The following SPPL3 variants were observed in gnomAD, a reference collection of about 807,000 sequenced individuals.
SPPL3 encodes the protein signal peptide peptidase-like 3.
A neutral mutation model predicts 42.4 loss-of-function variants in SPPL3; 5 were observed. That is an observed-to-expected ratio of 0.12 (90% confidence interval 0.06 to 0.25). The LOEUF is 0.25. Among genes scored for constraint, SPPL3 ranks in the 10% least tolerant of loss-of-function variants. The pLI is 1.00. For missense variants in SPPL3, 235 were observed against 489.0 expected, an observed-to-expected ratio of 0.48 and a Z score of 4.90; for synonymous variants, 195 against 181.8, an observed-to-expected ratio of 1.07 and a Z score of -0.58.
At chr12:120,879,817 A>G (rs1159316779) in intron 1 of SPPL3, among the ~76,000 whole-genome samples, 1 of 151,052 alleles carries the variant, frequency 6.6e-6, no homozygotes, top group Non-Finnish European at 1.5e-5. Flanking sequence ...GGTAAAAGTT[A>G]TATATATACA....
chr12:120,828,226 T>A (rs146820879), intron 1 of SPPL3, among the ~76,000 whole-genome samples: 9 of 152,212 alleles, frequency 5.9e-5, no homozygotes, highest in African/African-American at 2.2e-4. Flanking sequence ...AAATAACCCA[T>A]GGGTCAAATA....
intron 1 of SPPL3, among the ~76,000 whole-genome samples, chr12:120,849,627 A>G (rs1872159080): frequency 6.6e-6 from 1 of 152,234 alleles, no homozygotes. Flanking sequence ...GCATCTGAAA[A>G]TATGTCCAAG....
At chr12:120,850,925 A>G (rs1872201904) in intron 1 of SPPL3, among the ~76,000 whole-genome samples, 1 of 152,210 alleles carries the variant, frequency 6.6e-6, no homozygotes, top group South Asian at 2.1e-4. Context: ...CTGTGTGATT[A>G]TATTGGGCCA....
At chr12:120,793,984 T>C (rs1870012997) in intron 2 of SPPL3, among the ~76,000 whole-genome samples, 1 of 152,240 alleles carries the variant, frequency 6.6e-6, no homozygotes, top group Admixed American at 6.5e-5. Flanking sequence ...TATTCTATTA[T>C]TGGGAGTGGT....
At chr12:120,768,602 T>C (rs1051905558) in intron 7 of SPPL3, 114 bp from the exon 8 acceptor site, 2 of 1,194,648 alleles carry the variant, frequency 1.7e-6, no homozygotes, top group Non-Finnish European at 2.4e-6. Flanking sequence ...TGCAATGCTT[T>C]CGTTGACTGT....
intron 1 of SPPL3, among the ~76,000 whole-genome samples, chr12:120,865,717 A>T (rs1872736564): frequency 6.6e-6 from 1 of 152,256 alleles, no homozygotes; most frequent in African/African-American, 2.4e-5. Context: ...GCTCTACAGC[A>T]GTGTTTCCCA....
intron 1 of SPPL3, 119 bp downstream of exon 1, chr12:120,903,726 A>AACCCC: frequency 2.0e-6 from 1 of 509,674 alleles, no homozygotes; most frequent in Non-Finnish European, 3.0e-6. Flanking sequence ...GTGCACCCCA[A>AACCCC]CCCGCGCCCC....
chr12:120,772,213 G>T (rs1869150378), intron 6 of SPPL3, among the ~76,000 whole-genome samples: 1 of 151,970 alleles, frequency 6.6e-6, no homozygotes, highest in African/African-American at 2.4e-5. Context: ...GTAGAGACAG[G>T]GTTTCACCAT....
chr12:120,841,092 G>C (rs964586009), intron 1 of SPPL3, among the ~76,000 whole-genome samples: 1 of 152,148 alleles, frequency 6.6e-6, no homozygotes, highest in Non-Finnish European at 1.5e-5. Context: ...TTGGGAAGCT[G>C]AGACAGGTGG....
At chr12:120,827,356 ATAATAAT>A (rs1871259898) in intron 1 of SPPL3, among the ~76,000 whole-genome samples, 2 of 143,718 alleles carry the variant, frequency 1.4e-5, no homozygotes, top group Admixed American at 6.9e-5. Flanking sequence ...TAATAATAAT[ATAATAAT>A]ATAATAATAA....
At chr12:120,810,542 G>C (rs1213223824) in intron 2 of SPPL3, among the ~76,000 whole-genome samples, 8 of 151,930 alleles carry the variant, frequency 5.3e-5, no homozygotes, top group Admixed American at 5.2e-4. Context: ...TCTTAATAAA[G>C]AGTGCATTAG....
intron 1 of SPPL3, among the ~76,000 whole-genome samples, chr12:120,820,667 C>T (rs1871037895): frequency 6.6e-6 from 1 of 152,094 alleles, no homozygotes; most frequent in Non-Finnish European, 1.5e-5. Context: ...TTGTTTTCCA[C>T]ATTTCCCCAT....
chr12:120,827,150 CTA>C (rs898128167), intron 1 of SPPL3, among the ~76,000 whole-genome samples: 33 of 151,768 alleles, frequency 2.2e-4, no homozygotes, highest in African/African-American at 7.7e-4. Flanking sequence ...ATGTTTTCCT[CTA>C]TATAGGGGGG....
At chr12:120,846,207 C>T (rs1334386454) in intron 1 of SPPL3, among the ~76,000 whole-genome samples, 1 of 152,102 alleles carries the variant, frequency 6.6e-6, no homozygotes, top group African/African-American at 2.4e-5. Flanking sequence ...CAGTGCCTGG[C>T]ACATACATAA....
In SPPL3 at chr12:120,876,565, C is replaced by T. The variant is rs370167663; in HGVS notation, c.23+27280G>A. On this transcript the variant is annotated intron_variant, in intron 1 of 10. Coordinates refer to ENST00000353487, the MANE Select transcript of SPPL3 (RefSeq NM_139015.5). ...CTGGGAGGCAGAGCTTGCAGTGAGC[C>T]GAGATCGCGCCACTGCACTCCAGCC... Among the ~76,000 whole-genome samples the T allele has an allele frequency of 9.7e-3, 1,340 of 138,560 alleles. 26 individuals are homozygous for T. The highest frequency in any genetic ancestry group is 0.034 in the African/African-American group (1,267 of 37,320). 90.9% of individuals were successfully genotyped at this position (138,560 alleles called of 152,430 possible). A position where few individuals can be genotyped will look rare whatever the true frequency, so the allele number is the denominator to read the frequency against.
At chr12:120,780,843 A>G (rs1407151155) in intron 6 of SPPL3, among the ~76,000 whole-genome samples, 1 of 152,024 alleles carries the variant, frequency 6.6e-6, no homozygotes, top group African/African-American at 2.4e-5. Context: ...CCGGGAGACG[A>G]AGGCTGCAGC....
chr12:120,857,649 T>C (rs113264331), intron 1 of SPPL3, among the ~76,000 whole-genome samples: 6,386 of 152,194 alleles, frequency 0.042, 189 homozygotes, highest in South Asian at 0.12. Context: ...AAAAAGAAAT[T>C]AGATCATGTC....
chr12:120,838,220 T>C (rs942288387), intron 1 of SPPL3, among the ~76,000 whole-genome samples: 1 of 152,120 alleles, frequency 6.6e-6, no homozygotes, highest in Non-Finnish European at 1.5e-5. Context: ...CTGAATTTGG[T>C]AGGTTATCAG....
At chr12:120,772,597 T>G (rs1869163684) in intron 6 of SPPL3, among the ~76,000 whole-genome samples, 1 of 152,224 alleles carries the variant, frequency 6.6e-6, no homozygotes, top group African/African-American at 2.4e-5. Flanking sequence ...AAAAGCCATA[T>G]GAACAGATAT....
Sources: gnomAD v4.1 joint callset for allele counts (sites outside exome capture counted in the v4.1 genomes callset) on GRCh38, gnomAD v4.1.1 for gene constraint, MANE v1.5 for transcripts, NCBI Gene and HGNC (gene_info 2026-07-23, HGNC 2026-07-21) for gene names.